Variants in GRIP1 observed in about 807,000 individuals in gnomAD.
The protein encoded by GRIP1 is glutamate receptor interacting protein 1, also known as glutamate receptor-interacting protein 1.
Under a neutral mutation model 129.9 loss-of-function variants are expected in GRIP1, and 45 were observed. The observed-to-expected ratio is 0.35, with a 90% CI of 0.27 to 0.44. The LOEUF (loss-of-function observed/expected upper bound fraction) is 0.44, where lower values mean the gene tolerates loss of function less well. Ranked by LOEUF, GRIP1 falls within the 20% of genes least tolerant of loss-of-function variation. The probability of loss-of-function intolerance (pLI) is 1.00; values close to 1 mark genes in which losing one functional copy is unlikely to be tolerated. For missense variants in GRIP1, 1,196 were observed against 1,396.8 expected, an observed-to-expected ratio of 0.86 and a Z score of 2.29; for synonymous variants, 530 against 520.8, an observed-to-expected ratio of 1.02 and a Z score of -0.24.
At chr12:66,838,430 A>G (rs931074097) in intron 1 of GRIP1, among the ~76,000 whole-genome samples, 3 of 152,346 alleles carry the variant, frequency 2.0e-5, no homozygotes, top group Admixed American at 6.5e-5. Flanking sequence ...AGGTTGGAAC[A>G]TCAAGATTAC....
intron 1 of GRIP1, among the ~76,000 whole-genome samples, chr12:66,899,370 A>AT (rs568768824): frequency 4.3e-4 from 64 of 149,306 alleles, no homozygotes; most frequent in Admixed American, 8.7e-4. Context: ...GTGAAAAAAA[A>AT]TTTTTTTTTT....
At chr12:66,852,265 T>C (rs190403535) in intron 1 of GRIP1, among the ~76,000 whole-genome samples, 1 of 152,144 alleles carries the variant, frequency 6.6e-6, no homozygotes, top group East Asian at 1.9e-4. Context: ...TTGATATCTT[T>C]CCAAAATTGC....
chr12:66,381,767 TG>T, intron 19 of GRIP1, among the ~76,000 whole-genome samples: 1 of 152,202 alleles, frequency 6.6e-6, no homozygotes, highest in South Asian at 2.1e-4. Flanking sequence ...GAAAGGCATG[TG>T]TATCTCTAAT....
chr12:66,896,661 G>T (rs1219580825), intron 1 of GRIP1, among the ~76,000 whole-genome samples: 1 of 152,080 alleles, frequency 6.6e-6, no homozygotes, highest in Non-Finnish European at 1.5e-5. Flanking sequence ...TAATGTCATG[G>T]TGACATAAAG....
intron 1 of GRIP1, among the ~76,000 whole-genome samples, chr12:67,013,540 T>C (rs2042740053): frequency 6.6e-6 from 1 of 152,184 alleles, no homozygotes; most frequent in Admixed American, 6.6e-5. Flanking sequence ...CCTCTGAATA[T>C]CCCAAATAGA....
At chr12:66,528,577 A>C (rs1235445280) in intron 5 of GRIP1, among the ~76,000 whole-genome samples, 11 of 152,210 alleles carry the variant, frequency 7.2e-5, no homozygotes, top group Non-Finnish European at 1.5e-5. Flanking sequence ...AAGCTACAAT[A>C]ACCAAATGTG....
chr12:66,432,680 A>G (rs1346372345), intron 13 of GRIP1, 52 bp from the exon 14 acceptor site: 16 of 982,962 alleles, frequency 1.6e-5, no homozygotes, highest in Non-Finnish European at 2.6e-5. Context: ...GGACTGGAGC[A>G]CCCATCAATA....
At chr12:66,461,069 C>T (rs12366651) in intron 9 of GRIP1, among the ~76,000 whole-genome samples, 21,676 of 152,090 alleles carry the variant, frequency 0.14, 1,636 homozygotes, top group Non-Finnish European at 0.18. Context: ...GCAACACAAA[C>T]GACATCAGGT....
At chr12:66,834,987 T>C (rs948299493) in intron 1 of GRIP1, among the ~76,000 whole-genome samples, 3 of 151,646 alleles carry the variant, frequency 2.0e-5, no homozygotes, top group East Asian at 3.9e-4. Context: ...TACACTTTAT[T>C]AAAATTAAAA....
At chr12:66,385,477 A>G (rs1487832240) in intron 19 of GRIP1, among the ~76,000 whole-genome samples, 6 of 152,176 alleles carry the variant, frequency 3.9e-5, no homozygotes, top group Non-Finnish European at 8.8e-5. Flanking sequence ...CAGAGGTTGC[A>G]GTGAGCCAAG....
intron 1 of GRIP1, among the ~76,000 whole-genome samples, chr12:66,759,836 T>G (rs1303446997): frequency 6.6e-6 from 1 of 150,410 alleles, no homozygotes; most frequent in Non-Finnish European, 1.5e-5. Context: ...GCTTGGACCT[T>G]ATTGTTCATA....
intron 1 of GRIP1, among the ~76,000 whole-genome samples, chr12:66,791,329 A>G (rs547642926): frequency 3.2e-4 from 48 of 152,304 alleles, no homozygotes; most frequent in African/African-American, 1.1e-3. Flanking sequence ...CTGGGACTTC[A>G]GAAGAGAGGT....
chr12:66,617,395 T>C, intron 1 of GRIP1, among the ~76,000 whole-genome samples: 1 of 152,064 alleles, frequency 6.6e-6, no homozygotes. Flanking sequence ...TAATTGTTTT[T>C]ACAAGAATGA....
intron 1 of GRIP1, among the ~76,000 whole-genome samples, chr12:66,899,576 G>A (rs898990528): frequency 4.6e-5 from 7 of 151,980 alleles, no homozygotes; most frequent in Admixed American, 1.3e-4. Context: ...TATTGTCCAG[G>A]CTGGTTGAAA....
intron 1 of GRIP1, among the ~76,000 whole-genome samples, chr12:66,909,840 C>T (rs1036312723): frequency 5.9e-5 from 9 of 152,102 alleles, no homozygotes; most frequent in Non-Finnish European, 1.2e-4. Context: ...TGGCTGAACA[C>T]AATAAAATAG....
intron 1 of GRIP1, among the ~76,000 whole-genome samples, chr12:66,813,415 T>C (rs1213107984): frequency 6.6e-6 from 1 of 152,164 alleles, no homozygotes; most frequent in East Asian, 1.9e-4. Context: ...CATTTCAACA[T>C]GAGGTTTGGA....
chr12:66,465,194 C>T (rs2059252628), intron 8 of GRIP1, 81 bp downstream of exon 8: 4 of 1,212,092 alleles, frequency 3.3e-6, no homozygotes, highest in Non-Finnish European at 4.9e-6. Context: ...GATTCACCCG[C>T]CTCGGCCTCC....
upstream of GRIP1, among the ~76,000 whole-genome samples, chr12:66,808,947 T>C (rs2039050976): frequency 6.6e-6 from 1 of 152,228 alleles, no homozygotes; most frequent in Non-Finnish European, 1.5e-5. Flanking sequence ...TATTTTGATG[T>C]AAAGAAAGCA....
rs143278236 is a variant in GRIP1, at chr12:66,390,272, G to A, written c.2464+2036C>T. Among the ~76,000 whole-genome samples, 26 of 152,200 alleles carry A rather than the reference G, an allele frequency of 1.7e-4. No individual in the cohort carries two copies. In the East Asian group the frequency reaches 4.4e-3, roughly 26 times the overall value. The stretch of plus-strand genomic sequence containing the variant: ...AATCCTGCCTTCAGCTCCCATGTTC[G>A]TCACAAGAATTAATGGGGATTAGTT... On this transcript the variant is annotated intron_variant, in intron 19 of 24. Coordinates refer to ENST00000359742, the MANE Select transcript of GRIP1 (RefSeq NM_001366722.1).
Sources: gnomAD v4.1 joint callset for allele counts (sites outside exome capture counted in the v4.1 genomes callset) on GRCh38, gnomAD v4.1.1 for gene constraint, MANE v1.5 for transcripts, NCBI Gene and HGNC (gene_info 2026-07-23, HGNC 2026-07-21) for gene names.